Variants in FLNB observed in about 807,000 individuals in gnomAD.
The protein encoded by FLNB is filamin-B.
In FLNB, 111 loss-of-function variants were observed where a neutral mutation model predicts 250.6. The observed-to-expected ratio is 0.44, with a 90% confidence interval of 0.38 to 0.52. The LOEUF (loss-of-function observed/expected upper bound fraction) is 0.52. Ranked by LOEUF, FLNB falls within the 20% of genes least tolerant of loss-of-function variation. FLNB has a pLI of 0.00. For missense variants in FLNB, 2,869 were observed against 3,447.8 expected (o/e 0.83, Z 4.20); for synonymous variants, 1,302 against 1,372.1 (o/e 0.95, Z 1.13).
Position 58,118,929 on chromosome 3 carries a change from A to T in FLNB, c.2803A>T (p.Thr935Ser), listed in dbSNP as rs375703586. The T allele has an allele frequency of 6.2e-7, 1 of 1,614,100 alleles. No homozygotes were observed. Among genetic ancestry groups the T allele is most frequent in the African/African-American group, 1.3e-5 (1 of 75,010 alleles). Residue 935 changes from threonine to serine, a missense_variant, in exon 19 of 46, where the codon ACT becomes TCT. By Grantham distance (58) the Thr-to-Ser change is moderately conservative. Transcript: ENST00000295956. ...GGDPIPKSPF[T>S]VGVAAPLDLS... ...CGATCCCATCCCTAAAAGCCCTTTC[A>T]CTGTGGGTGTTGCTGCACCGCTGGA...
chr3:58,167,207 C>T (rs1327811853), intron 43 of FLNB, among the ~76,000 whole-genome samples: 1 of 152,196 alleles, frequency 6.6e-6, no homozygotes, highest in African/African-American at 2.4e-5. Flanking sequence ...CTCCTTGTTG[C>T]TCACCTCCCG....
chr3:58,102,548 T>A (rs2097252834), intron 9 of FLNB, among the ~76,000 whole-genome samples: 1 of 152,232 alleles, frequency 6.6e-6, no homozygotes, highest in South Asian at 2.1e-4. Flanking sequence ...GCTTGACAGC[T>A]TTACATTACA....
intron 25 of FLNB, chr3:58,132,433 G>A (rs1355422579): frequency 1.7e-5 from 7 of 408,616 alleles, no homozygotes; most frequent in Admixed American, 3.6e-5. Context: ...CAGTGTCTCA[G>A]CTGTAGAGTA....
intron 7 of FLNB, 111 bp downstream of exon 7, chr3:58,098,088 A>C: frequency 8.6e-7 from 1 of 1,169,518 alleles, no homozygotes; most frequent in African/African-American, 1.5e-5. Context: ...TCAAATAAAT[A>C]ATCACAAAGA....
rs756686607 is a variant in FLNB at position 58,126,589 on chromosome 3, CCA to C, written c.4062-11_4062-10del. The C allele has an allele frequency of 6.2e-7, 1 of 1,613,300 alleles. No homozygotes were observed. Among genetic ancestry groups the C allele is most frequent in the Non-Finnish European group, 8.5e-7 (1 of 1,179,506 alleles). On this transcript the variant is annotated splice_polypyrimidine_tract_variant and intron_variant, in intron 23 of 45. Transcript: ENST00000295956. ...AATGGTGCACATTTCACTTTCTTTTCCACTCTTTCCAGAGGCGCAGGAATTGG... is the reference window on the plus strand; with the variant it reads ...AATGGTGCACATTTCACTTTCTTTTCCTCTTTCCAGAGGCGCAGGAATTGG...
chr3:58,087,409 G>A (rs953324298), intron 4 of FLNB, among the ~76,000 whole-genome samples: 2 of 152,098 alleles, frequency 1.3e-5, no homozygotes, highest in Non-Finnish European at 2.9e-5. Context: ...TGTTGAAGCT[G>A]GGTACAGGAG....
chr3:58,065,667 T>A (rs1401205498), intron 1 of FLNB, among the ~76,000 whole-genome samples: 3 of 152,084 alleles, frequency 2.0e-5, no homozygotes, highest in African/African-American at 7.2e-5. Context: ...GGAGAAGAGA[T>A]GTTTAGGAGT....
At chr3:58,133,627 CA>C (rs2097311547) in intron 26 of FLNB, among the ~76,000 whole-genome samples, 2 of 151,842 alleles carry the variant, frequency 1.3e-5, no homozygotes, top group African/African-American at 4.8e-5. Context: ...AAAGGTTTTA[CA>C]TAGAAACCTT....
At chr3:58,073,092 A>C (rs1023372651) in intron 1 of FLNB, among the ~76,000 whole-genome samples, 1 of 152,150 alleles carries the variant, frequency 6.6e-6, no homozygotes, top group Non-Finnish European at 1.5e-5. Context: ...CTCCTGGTGC[A>C]AGAGATCAAT....
chr3:58,131,662 A>G (rs2097307653), intron 25 of FLNB, among the ~76,000 whole-genome samples: 1 of 152,178 alleles, frequency 6.6e-6, no homozygotes, highest in African/African-American at 2.4e-5. Flanking sequence ...CCCTCTTTGA[A>G]GAGGAACCTT....
At position 58,150,239 on chromosome 3, in the gene FLNB, G is replaced by A. The variant is rs1163723730; in HGVS notation, c.6367+12G>A. On this transcript the variant is annotated intron_variant, in intron 38 of 45. Transcript: ENST00000295956. ...CCTGAAAATCCCAGGTGGGCGTCGG[G>A]GACTAGTAGGGTGGGGAAGCCTTGG... 1 of 1,613,980 alleles carries A rather than the reference G, an allele frequency of 6.2e-7. No homozygotes were observed. Among genetic ancestry groups the A allele is most frequent in the Non-Finnish European group, 8.5e-7 (1 of 1,180,036 alleles).
chr3:58,027,574 G>A (rs1334614811), intron 1 of FLNB, among the ~76,000 whole-genome samples: 4 of 152,088 alleles, frequency 2.6e-5, no homozygotes, highest in Non-Finnish European at 4.4e-5. Flanking sequence ...GAGCCACCGC[G>A]CCTGGCCCAG....
intron 43 of FLNB, among the ~76,000 whole-genome samples, chr3:58,167,981 G>T (rs1302094693): frequency 6.6e-6 from 1 of 152,198 alleles, no homozygotes; most frequent in Non-Finnish European, 1.5e-5. Flanking sequence ...GGTGAGGGCT[G>T]AGGAGGAAGG....
chr3:58,109,742 G>A, intron 15 of FLNB, 43 bp downstream of exon 15: 1 of 1,613,458 alleles, frequency 6.2e-7, no homozygotes, highest in Non-Finnish European at 8.5e-7. Flanking sequence ...TTGCTCCGTG[G>A]GGAAGGCAGT....
intron 12 of FLNB, 123 bp from the exon 13 acceptor site, chr3:58,108,334 TG>T: frequency 1.4e-6 from 1 of 717,992 alleles, no homozygotes; most frequent in African/African-American, 1.7e-5. Context: ...ACCTCTTATG[TG>T]GATACTGTAA....
At chr3:58,128,495 AC>A (rs2097301464) in intron 24 of FLNB, among the ~76,000 whole-genome samples, 1 of 152,170 alleles carries the variant, frequency 6.6e-6, no homozygotes, top group Non-Finnish European at 1.5e-5. Flanking sequence ...TAGGGCTTTT[AC>A]AACTAAAACT....
intron 1 of FLNB, among the ~76,000 whole-genome samples, chr3:58,054,443 A>T (rs1289853851): frequency 6.6e-6 from 1 of 152,128 alleles, no homozygotes; most frequent in Admixed American, 6.6e-5. Flanking sequence ...GAAATACCTG[A>T]GACTGGGTAA....
At position 58,138,478 on chromosome 3, in the gene FLNB, C is replaced by T. The variant is rs1243914377; in HGVS notation, c.5058C>T (p.Ile1686=). 6.2e-7 allele frequency: 1 copy of T among 1,613,860 alleles called. No individual in the cohort carries two copies. The highest frequency in any genetic ancestry group is 1.3e-5 in the African/African-American group (1 of 74,928). The change falls in exon 29 of 46, where the codon ATC becomes ATT. Residue 1686 remains isoleucine, a synonymous_variant. Coordinates refer to ENST00000295956, the MANE Select transcript of FLNB (RefSeq NM_001457.4). ...YTAAKPGTYV[I]YVRFGGVDIP... is the part of the protein sequence containing the mutation. ...CTGCCAAGCCGGGCACATATGTGAT[C>T]TATGTGCGCTTCGGTGGTGTTGATA...
At chr3:58,108,087 A>C (rs4681803) in intron 12 of FLNB, among the ~76,000 whole-genome samples, 1,754 of 152,332 alleles carry the variant, frequency 0.012, 115 homozygotes, top group Admixed American at 0.1. Context: ...TGGGCCACAC[A>C]TAAAATACTA....
Sources: gnomAD v4.1 joint callset for allele counts (sites outside exome capture counted in the v4.1 genomes callset) on GRCh38, gnomAD v4.1.1 for gene constraint, MANE v1.5 for transcripts, NCBI Gene and HGNC (gene_info 2026-07-23, HGNC 2026-07-21) for gene names.